Variants in ACAP2 observed in about 807,000 individuals in gnomAD.
ACAP2 encodes the protein arf-GAP with coiled-coil, ANK repeat and PH domain-containing protein 2.
A neutral mutation model predicts 115.8 loss-of-function variants in ACAP2; 39 were observed. That is an observed-to-expected ratio of 0.34 (90% CI 0.26 to 0.44). The LOEUF (loss-of-function observed/expected upper bound fraction) is 0.44. Ranked by LOEUF, ACAP2 falls within the 20% of genes least tolerant of loss-of-function variation. The pLI is 1.00. For missense variants in ACAP2, 662 were observed against 927.6 expected, an observed-to-expected ratio of 0.71 and a Z score of 3.72; for synonymous variants, 289 against 315.8, an observed-to-expected ratio of 0.92 and a Z score of 0.90.
chr3:195,353,982 C>T (rs1284974619), intron 4 of ACAP2, among the ~76,000 whole-genome samples: 2 of 152,112 alleles, frequency 1.3e-5, no homozygotes, highest in Non-Finnish European at 2.9e-5. Flanking sequence ...CTGATCCTCT[C>T]CCTCCTCCTA....
At chr3:195,441,565 G>A (rs924206714) in intron 1 of ACAP2, among the ~76,000 whole-genome samples, 8 of 152,110 alleles carry the variant, frequency 5.3e-5, no homozygotes, top group Non-Finnish European at 1.0e-4. Flanking sequence ...GCTGAAAGGA[G>A]AATAAGAAAT....
At position 195,278,601 on chromosome 3, in the gene ACAP2, A is replaced by G. The variant is rs190626262; in HGVS notation, c.*727T>C. The G allele has an allele frequency of 4.0e-5, 6 of 149,640 alleles. No individual in the cohort carries two copies. 9.3% of individuals were successfully genotyped at this position (149,640 alleles called of 1,614,324 possible). ...AACAATGAAGAACTACACATTTTGA[A>G]CTGGGGTTTTTTTTTGTGATTAAAA... On this transcript the variant is annotated 3_prime_UTR_variant, in exon 23 of 23. Coordinates refer to ENST00000326793, the MANE Select transcript of ACAP2 (RefSeq NM_012287.6).
chr3:195,414,193 T>G (rs1713525188), intron 1 of ACAP2, among the ~76,000 whole-genome samples: 1 of 152,134 alleles, frequency 6.6e-6, no homozygotes, highest in African/African-American at 2.4e-5. Context: ...CAAAAGGAAC[T>G]CTCATTCTTT....
chr3:195,431,921 C>A (rs1001795595), intron 1 of ACAP2, among the ~76,000 whole-genome samples: 21 of 152,166 alleles, frequency 1.4e-4, no homozygotes, highest in African/African-American at 4.6e-4. Flanking sequence ...CGTATCTCAC[C>A]ATGATTTTAT....
At chr3:195,388,348 C>T (rs2108765122) in intron 2 of ACAP2, among the ~76,000 whole-genome samples, 1 of 152,300 alleles carries the variant, frequency 6.6e-6, no homozygotes, top group East Asian at 1.9e-4. Flanking sequence ...AGAAATTAAG[C>T]CTAGATGGCA....
At chr3:195,292,183 A>C in intron 19 of ACAP2, 82 bp downstream of exon 19, 1 of 1,448,442 alleles carries the variant, frequency 6.9e-7, no homozygotes, top group Non-Finnish European at 9.2e-7. Flanking sequence ...AGCAAAGACA[A>C]TACTAAAGCC....
chr3:195,354,328 T>C (rs186467315), intron 4 of ACAP2, among the ~76,000 whole-genome samples: 25 of 152,336 alleles, frequency 1.6e-4, no homozygotes, highest in Non-Finnish European at 1.5e-4. Context: ...GTCTTTATAA[T>C]AGAACTATAT....
intron 15 of ACAP2, among the ~76,000 whole-genome samples, chr3:195,298,553 A>G (rs537107616): frequency 4.0e-5 from 6 of 151,690 alleles, no homozygotes; most frequent in African/African-American, 1.4e-4. Flanking sequence ...CTACCACACC[A>G]GCCTCTCTCC....
chr3:195,302,809 G>T (rs189278291), intron 13 of ACAP2, among the ~76,000 whole-genome samples: 180 of 152,290 alleles, frequency 1.2e-3, no homozygotes, highest in African/African-American at 4.1e-3. Context: ...TTTTTTGGCC[G>T]AGAGCGGTGT....
intron 4 of ACAP2, among the ~76,000 whole-genome samples, chr3:195,363,122 C>A (rs1235190773): frequency 1.3e-5 from 2 of 152,072 alleles, no homozygotes; most frequent in Admixed American, 1.3e-4. Flanking sequence ...AATCAACACA[C>A]AAAAATCAGT....
intron 1 of ACAP2, among the ~76,000 whole-genome samples, chr3:195,413,959 A>C (rs1257066337): frequency 6.6e-6 from 1 of 152,010 alleles, no homozygotes; most frequent in Non-Finnish European, 1.5e-5. Context: ...TGGGCAACAG[A>C]ATGAGACCCT....
intron 18 of ACAP2, among the ~76,000 whole-genome samples, chr3:195,293,506 T>C (rs929749294): frequency 3.3e-5 from 5 of 152,216 alleles, no homozygotes; most frequent in Non-Finnish European, 5.9e-5. Flanking sequence ...TCCTTGGCAA[T>C]TGGTAAGGCA....
At chr3:195,302,202 T>TAA (rs35471363) in intron 13 of ACAP2, 28 bp from the exon 14 acceptor site, 32 of 1,239,494 alleles carry the variant, frequency 2.6e-5, no homozygotes, top group African/African-American at 8.0e-5. Context: ...TACTTGTTTT[T>TAA]AAAAAAAAAA....
At chr3:195,432,662 T>C (rs1468719888) in intron 1 of ACAP2, among the ~76,000 whole-genome samples, 2 of 152,242 alleles carry the variant, frequency 1.3e-5, no homozygotes, top group Non-Finnish European at 2.9e-5. Context: ...GTTTTGGCTG[T>C]TCTGGGTTAC....
At chr3:195,320,943 GA>G in intron 9 of ACAP2, 130 bp from the exon 10 acceptor site, 1 of 541,646 alleles carries the variant, frequency 1.8e-6, no homozygotes, top group Non-Finnish European at 3.3e-6. Flanking sequence ...ATATTAATAA[GA>G]AAAATGAAGG....
intron 1 of ACAP2, among the ~76,000 whole-genome samples, chr3:195,402,721 T>C (rs1003682560): frequency 2.6e-5 from 4 of 152,198 alleles, no homozygotes; most frequent in African/African-American, 7.2e-5. Context: ...GACAGGATCC[T>C]TGGACACTCA....
chr3:195,388,175 TC>T (rs1734424068), intron 2 of ACAP2, among the ~76,000 whole-genome samples: 2 of 151,676 alleles, frequency 1.3e-5, no homozygotes, highest in Admixed American at 1.3e-4. Context: ...TAGGCTATGC[TC>T]CCCACCCAAA....
rs148963809 is a variant in ACAP2, at chr3:195,400,460, T to C, written c.54-8313A>G. Among the ~76,000 whole-genome samples, 327 of 151,972 alleles carry C rather than the reference T, an allele frequency of 2.2e-3. 1 individual carries two copies. The highest frequency in any genetic ancestry group is 4.9e-3 in the Admixed American group (74 of 15,252). On this transcript the variant is annotated intron_variant, in intron 1 of 22. Coordinates refer to ENST00000326793, the MANE Select transcript of ACAP2 (RefSeq NM_012287.6). ...ACAGAATACTAATCCAAGGAAATAC[T>C]AGTAATGTTTTAAGTGTGATCAGAT...
At chr3:195,392,229 G>T in intron 1 of ACAP2, 82 bp from the exon 2 acceptor site, 1 of 1,127,678 alleles carries the variant, frequency 8.9e-7, no homozygotes, top group Non-Finnish European at 1.3e-6. Context: ...TAAATGAAAA[G>T]ATAGATATGA....
Sources: gnomAD v4.1 joint callset for allele counts (sites outside exome capture counted in the v4.1 genomes callset) on GRCh38, gnomAD v4.1.1 for gene constraint, MANE v1.5 for transcripts, NCBI Gene and HGNC (gene_info 2026-07-23, HGNC 2026-07-21) for gene names.